MOSMO: variants seen among roughly 807,000 people sequenced by gnomAD.
MOSMO encodes modulator of smoothened protein.
MOSMO carries 5 observed loss-of-function variants against 18.4 expected under a neutral mutation model. The observed-to-expected ratio is 0.27, with a 90% CI of 0.14 to 0.57. MOSMO has a LOEUF of 0.57. Ranked by LOEUF, MOSMO falls within the 20% of genes least tolerant of loss-of-function variation. The probability of loss-of-function intolerance (pLI) is 0.92; values close to 1 mark genes in which losing one functional copy is unlikely to be tolerated. For synonymous variants in MOSMO, 82 were observed against 82.3 expected, an observed-to-expected ratio of 1.00 and a Z score of 0.02; for missense variants, 138 against 211.8, an observed-to-expected ratio of 0.65 and a Z score of 2.16.
intron 1 of MOSMO, among the ~76,000 whole-genome samples, chr16:22,070,777 T>C (rs2141772857): frequency 6.6e-6 from 1 of 152,230 alleles, no homozygotes; most frequent in South Asian, 2.1e-4. Flanking sequence ...AAAAATTAGG[T>C]GTGTGACGTT....
chr16:22,018,875 A>G (rs1451031169), intron 1 of MOSMO, among the ~76,000 whole-genome samples: 2 of 152,214 alleles, frequency 1.3e-5, no homozygotes, highest in African/African-American at 2.4e-5. Flanking sequence ...GAGTAAAGGT[A>G]GAGAGGAGGC....
At chr16:22,049,592 A>G (rs1299164794) in intron 1 of MOSMO, among the ~76,000 whole-genome samples, 2 of 152,094 alleles carry the variant, frequency 1.3e-5, no homozygotes, top group Non-Finnish European at 2.9e-5. Context: ...AAAGACTATT[A>G]CCCCTTCATG....
chr16:22,013,429 G>T (rs1240463043), intron 1 of MOSMO, among the ~76,000 whole-genome samples: 1 of 152,058 alleles, frequency 6.6e-6, no homozygotes, highest in Non-Finnish European at 1.5e-5. Context: ...GGAGACTTGG[G>T]GGTCTTTGCT....
intron 1 of MOSMO, among the ~76,000 whole-genome samples, chr16:22,026,697 A>G (rs560494553): frequency 6.6e-6 from 1 of 152,352 alleles, no homozygotes; most frequent in East Asian, 1.9e-4. Context: ...TGATTCATTC[A>G]TTAAAGAAAG....
At chr16:22,074,967 C>T (rs963513141) in intron 1 of MOSMO, among the ~76,000 whole-genome samples, 2 of 152,204 alleles carry the variant, frequency 1.3e-5, no homozygotes, top group Non-Finnish European at 2.9e-5. Context: ...AAACATATTG[C>T]TTCTGGCATT....
chr16:22,029,091 C>T (rs1899941603), intron 1 of MOSMO, among the ~76,000 whole-genome samples: 2 of 152,056 alleles, frequency 1.3e-5, no homozygotes, highest in Non-Finnish European at 2.9e-5. Context: ...AGGCTGGTCT[C>T]GAACTCCTGA....
chr16:22,081,858 C>T lies in MOSMO; in HGVS notation c.*978C>T, dbSNP rs918428081. On this transcript the variant is annotated 3_prime_UTR_variant, in exon 3 of 3. Coordinates refer to ENST00000542527, the MANE Select transcript of MOSMO (RefSeq NM_001164579.2). The stretch of plus-strand genomic sequence containing the variant: ...GGTTTTTGTAATAGGTACAGATAAT[C>T]CCATACCTTTCTAGGTGCGATTTTA... 1.3e-5 allele frequency: 2 copies of T among 151,950 alleles called. No homozygotes were observed. Among genetic ancestry groups the T allele is most frequent in the Non-Finnish European group, 2.9e-5 (2 of 67,982 alleles). The allele number at this position is 151,950 out of a possible 1,614,324, so 9.4% of individuals were successfully genotyped here.
intron 1 of MOSMO, among the ~76,000 whole-genome samples, chr16:22,048,401 TTTTC>T (rs1900357580): frequency 6.6e-6 from 1 of 152,174 alleles, no homozygotes; most frequent in African/African-American, 2.4e-5. Context: ...GTGCACCAGT[TTTTC>T]TTCCAACCCT....
At position 22,080,793 on chromosome 16, in the gene MOSMO, T is replaced by C; in HGVS notation, c.417T>C (p.Val139=). 6.7e-7 allele frequency: 1 copy of C among 1,493,650 alleles called. No individual in the cohort carries two copies. Among genetic ancestry groups the C allele is most frequent in the Non-Finnish European group, 8.9e-7 (1 of 1,127,750 alleles). The allele number at this position is 1,493,650 out of a possible 1,614,324, so 92.5% of individuals were successfully genotyped here. The change falls in exon 3 of 3, where the codon GTT becomes GTC. Residue 139 remains valine, a synonymous_variant. Coordinates refer to ENST00000542527, the MANE Select transcript of MOSMO (RefSeq NM_001164579.2). Reference sequence around the variant, plus strand: ...ATAAATTACCCAACAACACAGTAGTTGGGTCATCATATGTACTTTTTGTCT... The same window carrying C: ...ATAAATTACCCAACAACACAGTAGTCGGGTCATCATATGTACTTTTTGTCT... ...QPYKLPNNTV[V]GSSYVLFVLS...
chr16:22,087,615 T>G (rs939878739), downstream of MOSMO: 1 of 152,216 alleles, frequency 6.6e-6, no homozygotes, highest in African/African-American at 2.4e-5. Flanking sequence ...CATAATAAAT[T>G]GCTCTTTAAA....
chr16:22,060,421 A>G (rs1475030263), intron 1 of MOSMO, among the ~76,000 whole-genome samples: 1 of 152,224 alleles, frequency 6.6e-6, no homozygotes, highest in Non-Finnish European at 1.5e-5. Context: ...CATATGTTCT[A>G]TATCATTAAA....
chr16:22,061,611 T>C (rs1428817478), intron 1 of MOSMO, among the ~76,000 whole-genome samples: 1 of 152,196 alleles, frequency 6.6e-6, no homozygotes, highest in African/African-American at 2.4e-5. Flanking sequence ...ATTGCACAGA[T>C]CTTGTGCTCA....
intron 2 of MOSMO, among the ~76,000 whole-genome samples, chr16:22,080,300 T>G (rs1387063318): frequency 6.6e-6 from 1 of 152,108 alleles, no homozygotes; most frequent in African/African-American, 2.4e-5. Context: ...ATTTCCCCCA[T>G]TTTCAGAAGG....
At chr16:22,020,823 G>A (rs779906892) in intron 1 of MOSMO, among the ~76,000 whole-genome samples, 19 of 152,144 alleles carry the variant, frequency 1.2e-4, no homozygotes, top group Non-Finnish European at 1.9e-4. Context: ...ATTCTTGATC[G>A]GTTTGACTTC....
chr16:22,024,350 A>C (rs1899831305), intron 1 of MOSMO, among the ~76,000 whole-genome samples: 1 of 151,362 alleles, frequency 6.6e-6, no homozygotes, highest in Non-Finnish European at 1.5e-5. Context: ...AGTCTACAGC[A>C]GTTGATTATC....
intron 1 of MOSMO, among the ~76,000 whole-genome samples, chr16:22,069,460 C>T (rs1239706476): frequency 6.6e-6 from 1 of 151,268 alleles, no homozygotes; most frequent in Non-Finnish European, 1.5e-5. Flanking sequence ...CTAAAGAACA[C>T]AAAATTTTAA....
In MOSMO at chr16:22,054,449, T is replaced by C. The variant is rs535817670; in HGVS notation, c.107-21038T>C. ...TTTCACCTCTCATGCCAATTTTTCC[T>C]TGAAAGTTAGATTCCATGGAATATA... On this transcript the variant is annotated intron_variant, in intron 1 of 2. Transcript: ENST00000542527. 7.2e-5 allele frequency among the ~76,000 whole-genome samples: 11 copies of C among 152,290 alleles called. No individual in the cohort carries two copies. In the South Asian group the frequency reaches 2.1e-3, roughly 29 times the overall value.
intron 1 of MOSMO, among the ~76,000 whole-genome samples, chr16:22,008,936 C>T (rs571614823): frequency 5.3e-4 from 81 of 151,736 alleles, no homozygotes; most frequent in African/African-American, 1.5e-3. Context: ...CCTCCACCAC[C>T]AGAGGAAGCT....
intron 1 of MOSMO, among the ~76,000 whole-genome samples, chr16:22,060,096 G>A (rs1394644839): frequency 1.3e-5 from 2 of 152,226 alleles, no homozygotes; most frequent in Admixed American, 6.5e-5. Context: ...AGGATCGCTT[G>A]ATCCCAGGAG....
Sources: gnomAD v4.1 joint callset for allele counts (sites outside exome capture counted in the v4.1 genomes callset) on GRCh38, gnomAD v4.1.1 for gene constraint, MANE v1.5 for transcripts, NCBI Gene and HGNC (gene_info 2026-07-23, HGNC 2026-07-21) for gene names.